The following PHACTR2 variants were observed in gnomAD, a reference collection of about 807,000 sequenced individuals.
PHACTR2 encodes phosphatase and actin regulator 2, also known as chromosome 6 open reading frame 56.
PHACTR2 carries 30 observed loss-of-function variants against 76.0 expected under a neutral mutation model. That is an observed-to-expected ratio of 0.39 (90% confidence interval 0.30 to 0.54). The LOEUF (loss-of-function observed/expected upper bound fraction) is 0.54. Among genes scored for constraint, PHACTR2 ranks in the 20% least tolerant of loss-of-function variants. The pLI, the probability that PHACTR2 is intolerant of heterozygous loss-of-function variation, is 0.61. For synonymous variants in PHACTR2, 292 were observed against 292.5 expected, an observed-to-expected ratio of 1.00 and a Z score of 0.02; for missense variants, 696 against 781.1, an observed-to-expected ratio of 0.89 and a Z score of 1.30.
rs1237030622 is a variant in PHACTR2 at position 143,784,334 on chromosome 6, T to A, written c.1707+1054T>A. ...TAAATCTGATGTTAGGGCCATCACT[T>A]TTTTCTGTGTTAAAGTAATAGCCTT... On this transcript the variant is annotated intron_variant, in intron 10 of 12. Coordinates refer to ENST00000440869, the MANE Select transcript of PHACTR2 (RefSeq NM_001100164.2). The surrounding 1 kb of genome is among the most constrained non-coding windows in gnomAD (Gnocchi z 4.5). 6.6e-6 allele frequency among the ~76,000 whole-genome samples: 1 copy of A among 152,216 alleles called. No homozygotes were observed. Among genetic ancestry groups the A allele is most frequent in the African/African-American group, 2.4e-5 (1 of 41,454 alleles).
chr6:143,726,475 A>G (rs1193788292), intron 2 of PHACTR2, among the ~76,000 whole-genome samples: 1 of 152,096 alleles, frequency 6.6e-6, no homozygotes, highest in South Asian at 2.1e-4. Flanking sequence ...TTCTATCACT[A>G]TGAATTTGAC....
rs1004876000 is a variant in PHACTR2, at chr6:143,646,564, A to G, written c.13+38242A>G. The stretch of plus-strand genomic sequence containing the variant: ...CTGAAAAAAAGGTGCTCCATTTTGC[A>G]TGATTTATTATTGAACTAGAGTTCC... On this transcript the variant is annotated intron_variant, in intron 1 of 11. Coordinates refer to the PHACTR2 transcript ENST00000305766. The surrounding 1 kb of genome is among the most constrained non-coding windows in gnomAD (Gnocchi z 4.1). Among the ~76,000 whole-genome samples the G allele has an allele frequency of 6.6e-6, 1 of 152,190 alleles. No homozygotes were observed. The highest frequency in any genetic ancestry group is 2.4e-5 in the African/African-American group (1 of 41,452).
intron 11 of PHACTR2, among the ~76,000 whole-genome samples, chr6:143,804,371 A>G (rs1776022528): frequency 6.6e-6 from 1 of 152,180 alleles, no homozygotes; most frequent in South Asian, 2.1e-4. Context: ...AAGTAGCAAG[A>G]AGCAAAAGGT....
chr6:143,715,076 C>A (rs1582802314), intron 2 of PHACTR2, among the ~76,000 whole-genome samples: 2 of 152,312 alleles, frequency 1.3e-5, no homozygotes, highest in South Asian at 2.1e-4. Flanking sequence ...CCCACATTCT[C>A]ATTCCTTTTC....
upstream of PHACTR2, among the ~76,000 whole-genome samples, chr6:143,606,876 A>G (rs980993881): frequency 2.0e-5 from 3 of 152,252 alleles, no homozygotes; most frequent in Non-Finnish European, 4.4e-5. Flanking sequence ...TAAAAATCTC[A>G]GGTTAAAAAT....
chr6:143,772,182 T>TC lies in PHACTR2; in HGVS notation c.1233-75dup. The stretch of plus-strand genomic sequence containing the variant: ...TGAAGGAAGCCCATGAAACTAGAGC[T>TC]CTTTTTCTTAGTGTCAGTGCCGCCA... On this transcript the variant is annotated intron_variant, in intron 6 of 12. Coordinates refer to ENST00000440869, the MANE Select transcript of PHACTR2 (RefSeq NM_001100164.2). This position sits in a 1 kb window ranked among gnomAD's most constrained non-coding sequence, Gnocchi z 5.4. 1 of 993,778 alleles carries TC rather than the reference T, an allele frequency of 1.0e-6. No homozygotes were observed. The highest frequency in any genetic ancestry group is 1.6e-6 in the Non-Finnish European group (1 of 620,366). The allele number at this position is 993,778 out of a possible 1,614,324, so 61.6% of individuals were successfully genotyped here.
intron 1 of PHACTR2, among the ~76,000 whole-genome samples, chr6:143,669,908 TA>T (rs2128450466): frequency 6.6e-6 from 1 of 152,320 alleles, no homozygotes; most frequent in Non-Finnish European, 1.5e-5. Flanking sequence ...GCTAGCTAGT[TA>T]TATAGCCTGT....
At chr6:143,615,904 C>A (rs1360310145) in intron 1 of PHACTR2, among the ~76,000 whole-genome samples, 13 of 152,156 alleles carry the variant, frequency 8.5e-5, no homozygotes, top group Admixed American at 8.5e-4. Flanking sequence ...ACGTTACATT[C>A]CACATGACTC....
intron 10 of PHACTR2, among the ~76,000 whole-genome samples, chr6:143,785,405 C>G (rs1241114802): frequency 6.6e-6 from 1 of 152,204 alleles, no homozygotes; most frequent in African/African-American, 2.4e-5. Flanking sequence ...AGCTCCACCT[C>G]TGTGGCTTTG....
chr6:143,628,357 G>T (rs902737872), intron 1 of PHACTR2, among the ~76,000 whole-genome samples: 24 of 152,202 alleles, frequency 1.6e-4, no homozygotes, highest in African/African-American at 5.8e-4. Context: ...TGACAGTTCT[G>T]GAAGTCAGAA....
At chr6:143,790,734 C>T (rs1442239608) in intron 11 of PHACTR2, among the ~76,000 whole-genome samples, 7 of 149,204 alleles carry the variant, frequency 4.7e-5, no homozygotes, top group African/African-American at 1.2e-4. Flanking sequence ...AGTGCTGTGG[C>T]TCGATCTCAG....
At chr6:143,728,967 A>C (rs919154655) in intron 2 of PHACTR2, among the ~76,000 whole-genome samples, 1 of 152,236 alleles carries the variant, frequency 6.6e-6, no homozygotes, top group African/African-American at 2.4e-5. Flanking sequence ...ATAGGCAACA[A>C]AACAAAAAAG....
At position 143,824,916 on chromosome 6, in the gene PHACTR2, A is replaced by G. The variant is rs948241216; in HGVS notation, c.*1227A>G. 1.3e-5 allele frequency: 2 copies of G among 152,626 alleles called. No homozygotes were observed. The highest frequency in any genetic ancestry group is 4.8e-5 in the African/African-American group (2 of 41,460). The allele number at this position is 152,626 out of a possible 1,614,324, so 9.5% of individuals were successfully genotyped here. Reference sequence around the variant, plus strand: ...CAGATGGCATCCATAGATACAGTACAGTATTTACTGTCAATGCAAAAGAAT... The same window carrying G: ...CAGATGGCATCCATAGATACAGTACGGTATTTACTGTCAATGCAAAAGAAT... On this transcript the variant is annotated 3_prime_UTR_variant, in exon 13 of 13. Transcript: ENST00000440869. The surrounding 1 kb of genome is among the most constrained non-coding windows in gnomAD (Gnocchi z 6.3).
At chr6:143,768,851 T>C (rs1775025058) in intron 6 of PHACTR2, among the ~76,000 whole-genome samples, 1 of 152,222 alleles carries the variant, frequency 6.6e-6, no homozygotes, top group Non-Finnish European at 1.5e-5. Context: ...TTCTTCTCTG[T>C]ATATTCTTCA....
At position 143,694,158 on chromosome 6, in the gene PHACTR2, C is replaced by T. The variant is rs192965179; in HGVS notation, c.46+15949C>T. 1.9e-3 allele frequency among the ~76,000 whole-genome samples: 225 copies of T among 119,592 alleles called. 2 individuals are homozygous for T. In the East Asian group the frequency reaches 0.03, roughly 16 times the overall value. The allele number at this position is 119,592 out of a possible 152,430, so 78.5% of individuals were successfully genotyped here. A position where few individuals can be genotyped will look rare whatever the true frequency, so the allele number is the denominator to read the frequency against. ...GGAAGGAAGGAAGGAAGGCCTGCGA[C>T]AGGGAGTGGGGAGGGAAGGAAGGAG... On this transcript the variant is annotated intron_variant, in intron 1 of 12. Coordinates refer to ENST00000440869, the MANE Select transcript of PHACTR2 (RefSeq NM_001100164.2).
rs1775561630 is a variant in PHACTR2, at chr6:143,580,628, A to T, written c.217+43421A>T. ...GCAGAGGTTGCAGTGAACTGAGATC[A>T]TGCCACTGTACTCCAGCCTGGGTGA... On this transcript the variant is annotated intron_variant, in intron 1 of 11. Coordinates refer to the PHACTR2 transcript ENST00000367584. This position sits in a 1 kb window ranked among gnomAD's most constrained non-coding sequence, Gnocchi z 4.2. Among the ~76,000 whole-genome samples, 1 of 152,024 alleles carries T rather than the reference A, an allele frequency of 6.6e-6. No individual in the cohort carries two copies. Among genetic ancestry groups the T allele is most frequent in the Non-Finnish European group, 1.5e-5 (1 of 67,992 alleles).
chr6:143,704,095 C>CTGTGTGTGTGTGTGTCTGTGTG (rs71024872), intron 1 of PHACTR2, among the ~76,000 whole-genome samples: 8,195 of 143,964 alleles, frequency 0.057, 275 homozygotes, highest in South Asian at 0.12. Flanking sequence ...GTGTGTGTGT[C>CTGTGTGTGTGTGTGTCTGTGTG]TGTGTGTGTG....
rs897826653 is a variant in PHACTR2, at chr6:143,827,266, A to G, written c.*3577A>G. On this transcript the variant is annotated 3_prime_UTR_variant, in exon 13 of 13. Coordinates refer to ENST00000440869, the MANE Select transcript of PHACTR2 (RefSeq NM_001100164.2). Reference sequence around the variant, plus strand: ...ATTTGCATTAACATTGCATATTCTGATATGTACCATATTAACACATAACAG... The same window carrying G: ...ATTTGCATTAACATTGCATATTCTGGTATGTACCATATTAACACATAACAG... 38 of 148,242 alleles carry G rather than the reference A, an allele frequency of 2.6e-4. No homozygotes were observed. The highest frequency in any genetic ancestry group is 9.4e-4 in the African/African-American group (38 of 40,344). The allele number at this position is 148,242 out of a possible 1,614,324, so 9.2% of individuals were successfully genotyped here.
chr6:143,815,759 G>A (rs1486474133), intron 12 of PHACTR2, among the ~76,000 whole-genome samples: 1 of 152,054 alleles, frequency 6.6e-6, no homozygotes, highest in East Asian at 1.9e-4. Context: ...GGGCATGGTG[G>A]TGCATGCCTG....
Sources: allele counts gnomAD v4.1 joint callset (sites outside exome capture counted in the v4.1 genomes callset), GRCh38; gene constraint gnomAD v4.1.1; non-coding constraint Gnocchi (gnomAD v3.1); transcripts MANE v1.5; gene names NCBI Gene and HGNC (gene_info 2026-07-23, HGNC 2026-07-21).